MARK3: variants seen among roughly 807,000 people sequenced by gnomAD.
MARK3 encodes the protein microtubule affinity regulating kinase 3.
In MARK3, 46 loss-of-function variants were observed where a neutral mutation model predicts 90.1. The observed-to-expected ratio is 0.51, with a 90% CI of 0.40 to 0.65. The LOEUF is 0.65. Ranked by LOEUF, MARK3 falls within the 30% of genes least tolerant of loss-of-function variation. MARK3 has a pLI of 0.00. For missense variants in MARK3, 818 were observed against 947.2 expected (o/e 0.86, Z 1.79); for synonymous variants, 321 against 332.6 (o/e 0.97, Z 0.38).
chr14:103,396,686 T>C (rs2090601808), intron 1 of MARK3, among the ~76,000 whole-genome samples: 1 of 152,166 alleles, frequency 6.6e-6, no homozygotes, highest in Non-Finnish European at 1.5e-5. Flanking sequence ...CAAGCTTTGT[T>C]ACCTCTTCTT....
intron 1 of MARK3, among the ~76,000 whole-genome samples, chr14:103,389,528 C>CAAAAAAAAAA (rs67737305): frequency 0.14 from 7,168 of 49,502 alleles, 1,704 homozygotes; most frequent in East Asian, 0.28. Context: ...ACTCTGTCTC[C>CAAAAAAAAAA]AAAAAAAAAA....
At chr14:103,480,351 CA>C (rs1566921162) in intron 13 of MARK3, 35 bp from the exon 14 acceptor site, 1 of 1,264,084 alleles carries the variant, frequency 7.9e-7, no homozygotes, top group East Asian at 2.3e-5. Flanking sequence ...CTGTATTTAC[CA>C]AATAAATTTA....
chr14:103,468,278 T>G lies in MARK3; in HGVS notation c.1264+92T>G, dbSNP rs996510427. The G allele has an allele frequency of 9.4e-6, 9 of 953,856 alleles. No individual in the cohort carries two copies. In the South Asian group the frequency reaches 1.0e-4, roughly 11 times the overall value. 59.1% of individuals were successfully genotyped at this position (953,856 alleles called of 1,614,324 possible). ...GCATTCTCTTGCTCAGAGCCTGGCTTGATGTCCTTTCTTGGCATTGCTTTC... is the reference window on the plus strand; with the variant it reads ...GCATTCTCTTGCTCAGAGCCTGGCTGGATGTCCTTTCTTGGCATTGCTTTC... On this transcript the variant is annotated intron_variant, in intron 12 of 17. Transcript: ENST00000429436.
Position 103,500,168 on chromosome 14 carries a change from A to G in MARK3, c.1884A>G (p.Glu628=), listed in dbSNP as rs1029124846. ...TCTGTTCATTGAGGCTTCCAACTGA[A>G]TATGAGAGGAACGGGAGATATGAGG... ...SFRFIKRLPT[E]YERNGRYEGS... The change falls in exon 17 of 18, where the codon GAA becomes GAG. Residue 628 remains glutamate (E), a synonymous_variant. Transcript: ENST00000429436. The G allele has an allele frequency of 6.2e-7, 1 of 1,612,564 alleles. No homozygotes were observed.
intron 7 of MARK3, among the ~76,000 whole-genome samples, chr14:103,464,670 C>T (rs538831147): frequency 6.2e-4 from 94 of 152,094 alleles, no homozygotes; most frequent in African/African-American, 2.2e-3. Flanking sequence ...GCTATTTAGC[C>T]GTTTTTATGA....
At chr14:103,465,505 T>A (rs762599121) in intron 7 of MARK3, 52 bp from the exon 8 acceptor site, 6 of 1,287,470 alleles carry the variant, frequency 4.7e-6, no homozygotes, top group Non-Finnish European at 5.7e-6. Flanking sequence ...CTGTCATAAT[T>A]CTAATTCTAT....
Position 103,405,299 on chromosome 14 carries a change from A to T in MARK3, c.243+32A>T, listed in dbSNP as rs761242246. 6 of 1,429,004 alleles carry T rather than the reference A, an allele frequency of 4.2e-6. No individual in the cohort carries two copies. The African/African-American group carries it at 8.8e-5, about 21-fold the overall frequency. 88.5% of individuals were successfully genotyped at this position (1,429,004 alleles called of 1,614,324 possible). A position where few individuals can be genotyped will look rare whatever the true frequency, so the allele number is the denominator to read the frequency against. On this transcript the variant is annotated intron_variant, in intron 2 of 17. Coordinates refer to ENST00000429436, the MANE Select transcript of MARK3 (RefSeq NM_001128918.3). The stretch of plus-strand genomic sequence containing the variant: ...ACCAGTTATGCTTATTTCTGTTATG[A>T]CAGTTGCTCTGTTTATTTCCATGTA...
chr14:103,392,487 A>G (rs941990880), intron 1 of MARK3, among the ~76,000 whole-genome samples: 1 of 152,150 alleles, frequency 6.6e-6, no homozygotes, highest in Non-Finnish European at 1.5e-5. Flanking sequence ...AGGTCCGGGG[A>G]CCACTCTTAA....
chr14:103,494,852 G>A (rs983483282), intron 15 of MARK3, among the ~76,000 whole-genome samples: 7 of 152,220 alleles, frequency 4.6e-5, no homozygotes, highest in East Asian at 1.9e-4. Flanking sequence ...GGCCAGGCTG[G>A]TCTTGAACTG....
chr14:103,476,809 C>T (rs535112439), intron 13 of MARK3, among the ~76,000 whole-genome samples: 6 of 152,264 alleles, frequency 3.9e-5, no homozygotes, highest in East Asian at 1.9e-4. Context: ...CATGTTTCAT[C>T]CTCTGACCTT....
intron 2 of MARK3, among the ~76,000 whole-genome samples, chr14:103,419,918 G>A (rs1361081947): frequency 1.3e-5 from 2 of 152,154 alleles, no homozygotes; most frequent in Non-Finnish European, 2.9e-5. Context: ...TGATCAGTGG[G>A]ATGGGGATTG....
chr14:103,433,088 CT>C (rs371171878), intron 3 of MARK3, among the ~76,000 whole-genome samples: 5 of 116,020 alleles, frequency 4.3e-5, no homozygotes, highest in Non-Finnish European at 9.3e-5. Context: ...CTTTTCTTTT[CT>C]TTTCTTTTTT....
chr14:103,428,394 T>A lies in MARK3; in HGVS notation c.251T>A (p.Ile84Lys). The A allele has an allele frequency of 6.9e-7, 1 of 1,452,838 alleles. No homozygotes were observed. The highest frequency in any genetic ancestry group is 9.4e-7 in the Non-Finnish European group (1 of 1,065,640). The allele number at this position is 1,452,838 out of a possible 1,614,324, so 90.0% of individuals were successfully genotyped here. A position where few individuals can be genotyped will look rare whatever the true frequency, so the allele number is the denominator to read the frequency against. ...ATTTATTATTCTTTCTAGGTTGCAA[T>A]AAAAATAATTGACAAAACTCAGTTG... ...RHILTGREVA[I>K]KIIDKTQLNP... The change falls in exon 3 of 18, where the codon ATA (isoleucine) becomes AAA (lysine). Residue 84 changes from isoleucine (I) to lysine (K), a missense_variant. This residue lies in a region of MARK3 where 157 missense variants were observed against 158.7 expected (regional missense o/e 0.99). Transcript: ENST00000429436.
chr14:103,474,482 T>TCTACACCTTCCCCTGTCTTCTCAA (rs1555397869), intron 12 of MARK3, among the ~76,000 whole-genome samples: 8 of 151,454 alleles, frequency 5.3e-5, no homozygotes, highest in Admixed American at 5.3e-4. Context: ...TTCCTCTGCT[T>TCTACACCTTCCCCTGTCTTCTCAA]CTACACCTTC....
Position 103,440,654 on chromosome 14 carries a change from C to G in MARK3, c.298-8265C>G, listed in dbSNP as rs1472702786. On this transcript the variant is annotated intron_variant, in intron 3 of 17. Transcript: ENST00000429436. ...GGTAAATATAAAAGTGATATTTGGC[C>G]AGGCATAGTGGCTTCCTCCTTAAAT... Among the ~76,000 whole-genome samples the G allele has an allele frequency of 2.0e-5, 3 of 151,818 alleles. No individual in the cohort carries two copies. In the East Asian group the frequency reaches 5.8e-4, roughly 29 times the overall value.
chr14:103,386,964 G>A (rs2089855066), intron 1 of MARK3, among the ~76,000 whole-genome samples: 1 of 152,162 alleles, frequency 6.6e-6, no homozygotes. Context: ...GACTCTGTTC[G>A]TTTTCTAACT....
At chr14:103,409,855 A>T (rs2091530268) in intron 2 of MARK3, among the ~76,000 whole-genome samples, 1 of 152,120 alleles carries the variant, frequency 6.6e-6, no homozygotes, top group Non-Finnish European at 1.5e-5. Context: ...GTTGTTTCTA[A>T]ATTTTTGTTG....
At chr14:103,427,297 C>T (rs921281747) in intron 2 of MARK3, among the ~76,000 whole-genome samples, 2 of 151,208 alleles carry the variant, frequency 1.3e-5, no homozygotes, top group African/African-American at 4.9e-5. Context: ...GTCAGGAGTT[C>T]GAGACCAGCC....
chr14:103,496,694 T>C (rs2075361734), intron 15 of MARK3, among the ~76,000 whole-genome samples: 1 of 151,922 alleles, frequency 6.6e-6, no homozygotes, highest in Admixed American at 6.6e-5. Flanking sequence ...ATTACAGGCA[T>C]GAGCCACCAC....
Sources: allele counts gnomAD v4.1 joint callset (sites outside exome capture counted in the v4.1 genomes callset), GRCh38; gene constraint gnomAD v4.1.1; regional missense constraint gnomAD v4.1.1; transcripts MANE v1.5; gene names NCBI Gene and HGNC (gene_info 2026-07-23, HGNC 2026-07-21).